Variants in KLHL20 observed in about 807,000 individuals in gnomAD.
KLHL20 encodes kelch-like protein 20.
Under a neutral mutation model 69.5 loss-of-function variants are expected in KLHL20, and 29 were observed. The observed-to-expected ratio is 0.42, with a 90% CI of 0.31 to 0.57. The LOEUF (loss-of-function observed/expected upper bound fraction) is 0.57, where lower values mean the gene tolerates loss of function less well. Ranked by LOEUF, KLHL20 falls within the 20% of genes least tolerant of loss-of-function variation. KLHL20 has a pLI of 0.18. For synonymous variants in KLHL20, 253 were observed against 265.2 expected, an observed-to-expected ratio of 0.95 and a Z score of 0.45; for missense variants, 419 against 776.0, an observed-to-expected ratio of 0.54 and a Z score of 5.47.
chr1:173,763,850 C>A, intron 7 of KLHL20, among the ~76,000 whole-genome samples: 1 of 139,760 alleles, frequency 7.2e-6, no homozygotes, highest in African/African-American at 2.9e-5. Flanking sequence ...GACCAAGAAC[C>A]CAAAAGCAAA....
chr1:173,770,519 G>A (rs1648016219), intron 8 of KLHL20, among the ~76,000 whole-genome samples: 1 of 152,026 alleles, frequency 6.6e-6, no homozygotes, highest in Non-Finnish European at 1.5e-5. Flanking sequence ...CTAACATGGT[G>A]AAACCCCATC....
chr1:173,750,902 A>T (rs1673280811), intron 3 of KLHL20, among the ~76,000 whole-genome samples: 2 of 152,164 alleles, frequency 1.3e-5, no homozygotes, highest in South Asian at 4.2e-4. Flanking sequence ...TATTTTTATG[A>T]CCTATTGCAT....
At chr1:173,756,180 A>G (rs1234467963) in intron 6 of KLHL20, 142 bp downstream of exon 6, 2 of 613,766 alleles carry the variant, frequency 3.3e-6, no homozygotes, top group Non-Finnish European at 5.8e-6. Flanking sequence ...CTCATAACCC[A>G]TGATTCCACA....
At chr1:173,785,139 A>T in intron 11 of KLHL20, 24 bp from the exon 12 acceptor site, 1 of 1,593,764 alleles carries the variant, frequency 6.3e-7, no homozygotes, top group East Asian at 2.2e-5. Flanking sequence ...GTTAGAAAAT[A>T]TGATTATGTT....
rs773746045 is a variant in KLHL20 at position 173,785,279 on chromosome 1, C to G, written c.*32C>G. ...AGAAGACAGTCTTGTATATATTCCT[C>G]TGTATTCTGGGGAGCTTTGACCTTG... On this transcript the variant is annotated 3_prime_UTR_variant, in exon 12 of 12. Transcript: ENST00000209884. 3.3e-6 allele frequency: 5 copies of G among 1,500,914 alleles called. No homozygotes were observed. In the East Asian group the frequency reaches 9.6e-5, roughly 29 times the overall value. 93.0% of individuals were successfully genotyped at this position (1,500,914 alleles called of 1,614,324 possible). A position where few individuals can be genotyped will look rare whatever the true frequency, so the allele number is the denominator to read the frequency against.
At chr1:173,770,912 C>G (rs1648051938) in intron 8 of KLHL20, among the ~76,000 whole-genome samples, 1 of 151,720 alleles carries the variant, frequency 6.6e-6, no homozygotes, top group Admixed American at 6.6e-5. Flanking sequence ...AATATTGACC[C>G]AGAACACCAA....
chr1:173,740,576 T>A (rs1672760072), intron 3 of KLHL20, among the ~76,000 whole-genome samples: 1 of 152,192 alleles, frequency 6.6e-6, no homozygotes, highest in African/African-American at 2.4e-5. Context: ...TCCCACAGGT[T>A]TTGATAGGTT....
chr1:173,718,865 G>A (rs947202411), intron 2 of KLHL20, among the ~76,000 whole-genome samples: 8 of 152,138 alleles, frequency 5.3e-5, no homozygotes, highest in African/African-American at 1.9e-4. Flanking sequence ...AGCACTTTGG[G>A]AGGCCGAGGC....
chr1:173,738,128 C>T (rs762210158), intron 3 of KLHL20, among the ~76,000 whole-genome samples: 6 of 152,002 alleles, frequency 3.9e-5, no homozygotes, highest in Non-Finnish European at 7.4e-5. Context: ...TTAGGGTTTT[C>T]TAGGTATACA....
intron 2 of KLHL20, among the ~76,000 whole-genome samples, chr1:173,717,709 C>T (rs1000692147): frequency 2.0e-5 from 3 of 152,112 alleles, no homozygotes; most frequent in African/African-American, 7.2e-5. Flanking sequence ...ATATTTGCAT[C>T]ACTAGCACCT....
intron 3 of KLHL20, among the ~76,000 whole-genome samples, chr1:173,741,371 C>T (rs1672800525): frequency 6.6e-6 from 1 of 152,080 alleles, no homozygotes; most frequent in Admixed American, 6.6e-5. Flanking sequence ...TTAATACCAC[C>T]CTTCTGTCCA....
At chr1:173,765,533 C>T (rs116301941) in intron 7 of KLHL20, among the ~76,000 whole-genome samples, 56 of 152,004 alleles carry the variant, frequency 3.7e-4, no homozygotes, top group African/African-American at 1.3e-3. Flanking sequence ...ATACTGTTTG[C>T]TACAGTAATT....
chr1:173,735,934 A>ATTTT (rs1558190601), intron 3 of KLHL20, among the ~76,000 whole-genome samples: 3 of 126,956 alleles, frequency 2.4e-5, no homozygotes, highest in Admixed American at 8.9e-5. Flanking sequence ...ATGCCATTCT[A>ATTTT]TCTTTTTTTT....
At chr1:173,751,479 ATAGT>A (rs1426720109) in intron 3 of KLHL20, among the ~76,000 whole-genome samples, 6 of 152,128 alleles carry the variant, frequency 3.9e-5, no homozygotes, top group Non-Finnish European at 7.4e-5. Context: ...ATAGTTTGAT[ATAGT>A]TAATTTGTCT....
chr1:173,735,715 A>G (rs1479119827), intron 3 of KLHL20, among the ~76,000 whole-genome samples: 3 of 152,034 alleles, frequency 2.0e-5, no homozygotes, highest in African/African-American at 7.3e-5. Flanking sequence ...AGCAGTGTAC[A>G]CCGTACCCAA....
At chr1:173,751,274 G>C (rs1431570189) in intron 3 of KLHL20, among the ~76,000 whole-genome samples, 1 of 152,136 alleles carries the variant, frequency 6.6e-6, no homozygotes. Flanking sequence ...ATATATTAGA[G>C]AGTTTGATCG....
intron 2 of KLHL20, among the ~76,000 whole-genome samples, chr1:173,719,185 A>G (rs997909206): frequency 2.6e-5 from 4 of 152,090 alleles, no homozygotes; most frequent in Admixed American, 2.0e-4. Flanking sequence ...GTTATGTAGT[A>G]TTCCATTGTC....
intron 8 of KLHL20, among the ~76,000 whole-genome samples, chr1:173,771,932 G>A (rs77154778): frequency 0.014 from 2,171 of 152,274 alleles, 25 homozygotes; most frequent in Middle Eastern, 0.058. Flanking sequence ...TAGAATAAAG[G>A]AAATGAGTAT....
intron 2 of KLHL20, among the ~76,000 whole-genome samples, chr1:173,722,766 C>T (rs1006466185): frequency 4.0e-5 from 6 of 150,900 alleles, no homozygotes; most frequent in Non-Finnish European, 8.8e-5. Flanking sequence ...CTTGGTTCAC[C>T]GCAACCTCTG....
Sources: allele counts gnomAD v4.1 joint callset (sites outside exome capture counted in the v4.1 genomes callset), GRCh38; gene constraint gnomAD v4.1.1; transcripts MANE v1.5; gene names NCBI Gene and HGNC (gene_info 2026-07-23, HGNC 2026-07-21).